The following TYW1B variants were observed in gnomAD, a reference collection of about 807,000 sequenced individuals.
The protein encoded by TYW1B is S-adenosyl-L-methionine-dependent tRNA 4-demethylwyosine synthase TYW1B.
In TYW1B, 73 loss-of-function variants were observed where a neutral mutation model predicts 86.9. That is an observed-to-expected ratio of 0.84 (90% CI 0.70 to 1.02). The LOEUF is 1.02. TYW1B is among the 50% of genes least tolerant of loss of function. The pLI is 0.00. For missense variants in TYW1B, 637 were observed against 827.4 expected (o/e 0.77, Z 2.82); for synonymous variants, 248 against 292.8 (o/e 0.85, Z 1.56).
Position 72,826,842 on chromosome 7 carries a change from T to A in TYW1B, c.135+13A>T, listed in dbSNP as rs782360102. On this transcript the variant is annotated intron_variant, in intron 2 of 13. Transcript: ENST00000620995. ...TGCCTAAATACTCTATTAAAAAAAA[T>A]AACTCCACTTACCTGCATCTCGATG... is the stretch of plus-strand genomic sequence containing the variant. 4 of 1,601,048 alleles carry A rather than the reference T, an allele frequency of 2.5e-6. No individual in the cohort carries two copies. The highest frequency in any genetic ancestry group is 2.8e-5 in the African/African-American group (2 of 71,372).
intron 8 of TYW1B, among the ~76,000 whole-genome samples, chr7:72,735,160 T>C (rs1787176314): frequency 6.6e-6 from 1 of 152,238 alleles, no homozygotes; most frequent in African/African-American, 2.4e-5. Flanking sequence ...TTCTCATGCT[T>C]ATTGCAGCAC....
At chr7:72,768,153 T>A (rs553081319) in intron 7 of TYW1B, among the ~76,000 whole-genome samples, 1 of 151,584 alleles carries the variant, frequency 6.6e-6, no homozygotes, top group Non-Finnish European at 1.5e-5. Flanking sequence ...GGAGAGAGGA[T>A]CGCTTCAGCC....
intron 11 of TYW1B, among the ~76,000 whole-genome samples, chr7:72,654,086 GAAA>G (rs56251020): frequency 2.5e-5 from 3 of 118,610 alleles, no homozygotes; most frequent in Non-Finnish European, 5.2e-5. Flanking sequence ...TCACAAAAAA[GAAA>G]AAAAAAAAAA....
chr7:72,818,036 T>A (rs1200119907), intron 2 of TYW1B, among the ~76,000 whole-genome samples: 2 of 150,886 alleles, frequency 1.3e-5, no homozygotes, highest in Non-Finnish European at 3.0e-5. Context: ...GCCCTCCCCT[T>A]GGTGTTGAGT....
intron 7 of TYW1B, among the ~76,000 whole-genome samples, chr7:72,775,895 T>C (rs1255705393): frequency 6.6e-6 from 1 of 152,190 alleles, no homozygotes. Context: ...TATAAATCTT[T>C]AGTACATAAT....
chr7:72,822,162 C>CAAAAAAAAAAAAAAAA (rs782637112), intron 2 of TYW1B, among the ~76,000 whole-genome samples: 9 of 36,314 alleles, frequency 2.5e-4, no homozygotes, highest in African/African-American at 3.3e-4. Context: ...GACCCTGTCT[C>CAAAAAAAAAAAAAAAA]AAAAAAAAAA....
intron 7 of TYW1B, among the ~76,000 whole-genome samples, chr7:72,770,213 G>A (rs1340564539): frequency 2.6e-5 from 4 of 151,652 alleles, no homozygotes; most frequent in Non-Finnish European, 4.4e-5. Context: ...GGCAGATCAC[G>A]AGGTCAAGAG....
intron 4 of TYW1B, 66 bp downstream of exon 4, chr7:72,810,405 C>T (rs1233274601): frequency 1.4e-5 from 21 of 1,507,856 alleles, no homozygotes; most frequent in Non-Finnish European, 1.5e-5. Context: ...TGTGTGTGTA[C>T]GTGTGTGTGC....
chr7:72,603,088 CAGATGATGGATGGAT>C (rs1159494203), intron 13 of TYW1B, among the ~76,000 whole-genome samples: 2 of 150,982 alleles, frequency 1.3e-5, no homozygotes, highest in Non-Finnish European at 2.9e-5. Flanking sequence ...GACAGACAGA[CAGATGATGGATGGAT>C]GGATGGATGG....
intron 13 of TYW1B, among the ~76,000 whole-genome samples, chr7:72,615,174 A>G (rs139606539): frequency 0.015 from 2,267 of 152,370 alleles, 26 homozygotes; most frequent in Admixed American, 0.025. Context: ...ATTGGCTTGA[A>G]TGAGATGGTT....
chr7:72,643,692 T>C (rs1266950618), intron 11 of TYW1B, among the ~76,000 whole-genome samples: 1 of 152,186 alleles, frequency 6.6e-6, no homozygotes, highest in Non-Finnish European at 1.5e-5. Flanking sequence ...ATATTTGATA[T>C]TTGGCATTTG....
intron 6 of TYW1B, among the ~76,000 whole-genome samples, chr7:72,778,509 G>A (rs536306729): frequency 6.6e-6 from 1 of 152,262 alleles, no homozygotes; most frequent in East Asian, 1.9e-4. Context: ...GAGTGCAGTG[G>A]CACGATCTTG....
intron 3 of TYW1B, among the ~76,000 whole-genome samples, chr7:72,811,132 G>A (rs1342240462): frequency 2.6e-5 from 4 of 151,684 alleles, no homozygotes; most frequent in Non-Finnish European, 4.4e-5. Context: ...TTAGACAGGC[G>A]TGGTGGTGGG....
At chr7:72,777,025 T>C (rs1422296833) in intron 7 of TYW1B, among the ~76,000 whole-genome samples, 1 of 152,132 alleles carries the variant, frequency 6.6e-6, no homozygotes, top group African/African-American at 2.4e-5. Flanking sequence ...ACTAATATTA[T>C]TAATCATTCA....
intron 11 of TYW1B, among the ~76,000 whole-genome samples, chr7:72,664,401 T>A (rs1554444934): frequency 6.6e-6 from 1 of 152,040 alleles, no homozygotes; most frequent in Non-Finnish European, 1.5e-5. Context: ...CAATCCCTAT[T>A]CTCCCCTTTG....
chr7:72,635,311 C>T (rs1349588540), intron 11 of TYW1B, among the ~76,000 whole-genome samples: 3 of 152,314 alleles, frequency 2.0e-5, no homozygotes, highest in Non-Finnish European at 2.9e-5. Context: ...CAATATCACA[C>T]TTTTAATTAC....
chr7:72,690,675 A>T (rs1454417098), intron 11 of TYW1B, among the ~76,000 whole-genome samples: 1 of 152,246 alleles, frequency 6.6e-6, no homozygotes, highest in Non-Finnish European at 1.5e-5. Flanking sequence ...AACAGTATGG[A>T]TGTTCTAATT....
intron 7 of TYW1B, among the ~76,000 whole-genome samples, chr7:72,760,966 A>T (rs1585963644): frequency 1.3e-5 from 2 of 152,206 alleles, no homozygotes; most frequent in East Asian, 3.8e-4. Flanking sequence ...CCGGATATTC[A>T]CAGGCTATAA....
At chr7:72,733,268 T>C (rs1468434192) in intron 8 of TYW1B, among the ~76,000 whole-genome samples, 1 of 151,954 alleles carries the variant, frequency 6.6e-6, no homozygotes, top group African/African-American at 2.4e-5. Context: ...AAACTCAGTA[T>C]TATACGAGGC....
Sources: allele counts gnomAD v4.1 joint callset (sites outside exome capture counted in the v4.1 genomes callset), GRCh38; gene constraint gnomAD v4.1.1; transcripts MANE v1.5; gene names NCBI Gene and HGNC (gene_info 2026-07-23, HGNC 2026-07-21).